TAFA2: variants seen among roughly 807,000 people sequenced by gnomAD.
TAFA2 encodes TAFA chemokine like family member 2.
A neutral mutation model predicts 18.8 loss-of-function variants in TAFA2; 7 were observed. The observed-to-expected ratio is 0.37, with a 90% CI of 0.21 to 0.70. The LOEUF is 0.70. TAFA2 is among the 30% of genes least tolerant of loss of function. TAFA2 has a pLI of 0.53. For synonymous variants in TAFA2, 60 were observed against 54.2 expected (o/e 1.11, Z -0.47); for missense variants, 122 against 158.1 (o/e 0.77, Z 1.23).
At chr12:62,074,636 G>A (rs574987145) in intron 1 of TAFA2, among the ~76,000 whole-genome samples, 1 of 151,630 alleles carries the variant, frequency 6.6e-6, no homozygotes, top group African/African-American at 2.4e-5. Context: ...ACAGACAGTA[G>A]AATGCGAGCT....
intron 1 of TAFA2, among the ~76,000 whole-genome samples, chr12:61,951,829 G>A (rs1271595447): frequency 6.6e-6 from 1 of 151,600 alleles, no homozygotes; most frequent in Non-Finnish European, 1.5e-5. Flanking sequence ...TTTGTAAACT[G>A]ATTGATCTTA....
chr12:62,058,577 C>T (rs1406109728), intron 1 of TAFA2, among the ~76,000 whole-genome samples: 1 of 151,958 alleles, frequency 6.6e-6, no homozygotes, highest in Admixed American at 6.6e-5. Context: ...TGTCTGACAG[C>T]GCTGTGTTTC....
intron 1 of TAFA2, among the ~76,000 whole-genome samples, chr12:61,908,195 T>C (rs1876446267): frequency 6.6e-6 from 1 of 152,064 alleles, no homozygotes; most frequent in Non-Finnish European, 1.5e-5. Context: ...ATATGGTTTG[T>C]GTCCCCACCC....
chr12:62,221,294 C>A (rs1352557502), intron 1 of TAFA2, among the ~76,000 whole-genome samples: 1 of 150,430 alleles, frequency 6.6e-6, no homozygotes, highest in African/African-American at 2.5e-5. Context: ...AAAATATTCA[C>A]CAAAATACCC....
At chr12:62,035,919 T>G (rs1279699186) in intron 1 of TAFA2, among the ~76,000 whole-genome samples, 1 of 151,548 alleles carries the variant, frequency 6.6e-6, no homozygotes, top group African/African-American at 2.4e-5. Context: ...TTTTTGTATT[T>G]TTAGTAGAGA....
At chr12:62,210,527 A>C (rs2062709029) in intron 1 of TAFA2, among the ~76,000 whole-genome samples, 1 of 152,236 alleles carries the variant, frequency 6.6e-6, no homozygotes, top group African/African-American at 2.4e-5. Context: ...GCGTCAAAAC[A>C]GGGCAACTGC....
intron 4 of TAFA2, among the ~76,000 whole-genome samples, chr12:61,723,316 G>A (rs1869991445): frequency 6.6e-6 from 1 of 152,022 alleles, no homozygotes. Context: ...AGCATATCAG[G>A]CACATAAATG....
intron 1 of TAFA2, among the ~76,000 whole-genome samples, chr12:61,973,405 T>G (rs1473439166): frequency 1.0e-4 from 15 of 148,548 alleles, no homozygotes; most frequent in Admixed American, 2.7e-4. Flanking sequence ...ATTTTTTTTT[T>G]TTTTTTTTTA....
chr12:61,935,435 A>G (rs1270090567), intron 1 of TAFA2, among the ~76,000 whole-genome samples: 2 of 152,176 alleles, frequency 1.3e-5, no homozygotes, highest in African/African-American at 4.8e-5. Flanking sequence ...ATATAGCTAT[A>G]AGTTTATAAA....
At chr12:62,248,649 T>G (rs755816295) in intron 1 of TAFA2, among the ~76,000 whole-genome samples, 1 of 152,248 alleles carries the variant, frequency 6.6e-6, no homozygotes, top group African/African-American at 2.4e-5. Context: ...TTATTCATCT[T>G]GCTGGACTTA....
At chr12:61,973,125 T>C (rs905071446) in intron 1 of TAFA2, among the ~76,000 whole-genome samples, 2 of 151,612 alleles carry the variant, frequency 1.3e-5, no homozygotes, top group African/African-American at 4.8e-5. Context: ...TATACACCTG[T>C]CAAAAATAGA....
At chr12:62,244,407 CCTT>C (rs1295163069) in intron 1 of TAFA2, among the ~76,000 whole-genome samples, 2 of 151,942 alleles carry the variant, frequency 1.3e-5, no homozygotes, top group Non-Finnish European at 2.9e-5. Flanking sequence ...ATCATGCACT[CCTT>C]ATGAAATAAT....
At chr12:61,842,114 G>A (rs1873211122) in intron 2 of TAFA2, among the ~76,000 whole-genome samples, 1 of 151,660 alleles carries the variant, frequency 6.6e-6, no homozygotes, top group Admixed American at 6.6e-5. Context: ...AAGATTCAAA[G>A]CGGTATAGAA....
At chr12:62,238,685 CT>C (rs2062848752) in intron 1 of TAFA2, among the ~76,000 whole-genome samples, 1 of 152,144 alleles carries the variant, frequency 6.6e-6, no homozygotes, top group Non-Finnish European at 1.5e-5. Flanking sequence ...AGAAATTATA[CT>C]TTATTTATCT....
At chr12:62,000,749 G>C (rs550087168) in intron 1 of TAFA2, among the ~76,000 whole-genome samples, 1 of 152,316 alleles carries the variant, frequency 6.6e-6, no homozygotes, top group African/African-American at 2.4e-5. Flanking sequence ...ATACTATGCA[G>C]CAATGCAAAT....
intron 1 of TAFA2, among the ~76,000 whole-genome samples, chr12:62,233,191 C>T (rs867380129): frequency 2.8e-5 from 4 of 142,810 alleles, no homozygotes; most frequent in Non-Finnish European, 6.0e-5. Context: ...AGTGATTATC[C>T]TGCCTCAGCC....
intron 1 of TAFA2, among the ~76,000 whole-genome samples, chr12:61,876,821 C>G (rs1392435652): frequency 6.6e-6 from 1 of 151,880 alleles, no homozygotes. Context: ...CTTGAATTCA[C>G]ACTTCTCTCT....
intron 1 of TAFA2, among the ~76,000 whole-genome samples, chr12:61,895,821 A>G: frequency 6.6e-6 from 1 of 152,088 alleles, no homozygotes; most frequent in Non-Finnish European, 1.5e-5. Context: ...AAATGAAGGC[A>G]TCCATGCCTA....
chr12:61,742,419 G>T (rs927796058), intron 4 of TAFA2, among the ~76,000 whole-genome samples: 2 of 152,036 alleles, frequency 1.3e-5, no homozygotes, highest in East Asian at 1.9e-4. Context: ...CTGTCTGTAG[G>T]TTCCATATCC....
Sources: gnomAD v4.1 joint callset for allele counts (sites outside exome capture counted in the v4.1 genomes callset) on GRCh38, gnomAD v4.1.1 for gene constraint, MANE v1.5 for transcripts, NCBI Gene and HGNC (gene_info 2026-07-23, HGNC 2026-07-21) for gene names.